Variants in DES observed in about 807,000 individuals in gnomAD.
The protein encoded by DES is desmin, also known as cardiomyopathy, dilated 1F (autosomal dominant).
In DES, 34 loss-of-function variants were observed where a neutral mutation model predicts 55.1. The ratio of observed to expected loss-of-function variants is 0.62; its 90% confidence interval spans 0.47 to 0.82. The LOEUF is 0.82. Ranked by LOEUF, DES falls within the 40% of genes least tolerant of loss-of-function variation. The pLI is 0.00. For missense variants in DES, 596 were observed against 645.9 expected, an observed-to-expected ratio of 0.92 and a Z score of 0.84; for synonymous variants, 259 against 270.8, an observed-to-expected ratio of 0.96 and a Z score of 0.43.
rs1954376103 is a variant in DES at position 219,418,887 on chromosome 2, G to A, written c.425G>A (p.Arg142Gln). ...QNAALAAEVN[R>Q]LKGREPTRVA... The stretch of plus-strand genomic sequence containing the variant: ...GCGGCGCTCGCCGCCGAAGTGAACC[G>A]GCTCAAGGGCCGCGAGCCGACGCGA... Residue 142 changes from arginine to glutamine, a missense_variant, in exon 1 of 9, where the codon CGG becomes CAG. Arg to Gln is a conservative substitution (Grantham distance 43). Coordinates refer to ENST00000373960, the MANE Select transcript of DES (RefSeq NM_001927.4). 2 of 1,568,254 alleles carry A rather than the reference G, an allele frequency of 1.3e-6. No homozygotes were observed. The highest frequency in any genetic ancestry group is 1.7e-6 in the Non-Finnish European group (2 of 1,157,292).
rs1243835334 is a variant in DES at position 219,426,276 on chromosome 2, G to A, written c.*286G>A. The A allele has an allele frequency of 1.9e-5, 11 of 578,536 alleles. No homozygotes were observed. The highest frequency in any genetic ancestry group is 9.0e-5 in the East Asian group (3 of 33,322). The allele number at this position is 578,536 out of a possible 1,614,324, so 35.8% of individuals were successfully genotyped here. A position where few individuals can be genotyped will look rare whatever the true frequency, so the allele number is the denominator to read the frequency against. ...TGCTGGATGGAGCCCAGGCGGGAGC[G>A]GTGGCCCTGTCCCTCCCACCTCTGT... On this transcript the variant is annotated 3_prime_UTR_variant, in exon 9 of 9. Coordinates refer to ENST00000373960, the MANE Select transcript of DES (RefSeq NM_001927.4). This position sits in a 1 kb window ranked among gnomAD's most constrained non-coding sequence, Gnocchi z 4.5.
Position 219,420,618 on chromosome 2 carries a change from A to G in DES, c.859A>G (p.Lys287Glu). The G allele has an allele frequency of 6.2e-7, 1 of 1,614,056 alleles. No homozygotes were observed. ...IRAQYETIAA[K>E]NISEAEEWYK... ...GGCTCAGTATGAGACCATCGCGGCT[A>G]AGAACATTTCTGAAGCTGAGGAGTG... Residue 287 changes from lysine (K) to glutamate (E), a missense_variant, in exon 4 of 9, where the codon AAG becomes GAG. Transcript: ENST00000373960. The surrounding 1 kb of genome is among the most constrained non-coding windows in gnomAD (Gnocchi z 6.0).
rs794728993 is a variant in DES, at chr2:219,418,775, C to T, written c.313C>T (p.Arg105Cys). 7 of 1,563,444 alleles carry T rather than the reference C, an allele frequency of 4.5e-6. No homozygotes were observed. Among genetic ancestry groups the T allele is most frequent in the Non-Finnish European group, 6.1e-6 (7 of 1,153,298 alleles). Residue 105 changes from arginine to cysteine, a missense_variant, in exon 1 of 9, where the codon CGC (arginine) becomes TGC (cysteine). Transcript: ENST00000373960. ...GGTGAACCAGGAGTTTCTGACCACG[C>T]GCACCAACGAGAAGGTGGAGCTGCA... ...DAVNQEFLTTRTNEKVELQEL... is the reference protein window; with the variant it reads ...DAVNQEFLTTCTNEKVELQEL...
Position 219,419,015 on chromosome 2 carries a change from G to C in DES, c.553G>C (p.Asp185His). 1 of 1,545,396 alleles carries C rather than the reference G, an allele frequency of 6.5e-7. No homozygotes were observed. The highest frequency in any genetic ancestry group is 8.7e-7 in the Non-Finnish European group (1 of 1,147,398). ...RVDVERDNLL[D>H]DLQRLKAKLQ... ...CGACGTCGAGCGCGACAACCTGCTCGACGACCTGCAGCGGCTCAAGGCCAA... is the reference window on the plus strand; with the variant it reads ...CGACGTCGAGCGCGACAACCTGCTCCACGACCTGCAGCGGCTCAAGGCCAA... The change falls in exon 1 of 9, where the codon GAC becomes CAC. Residue 185 changes from aspartate to histidine, a missense_variant. By Grantham distance (81) the Asp-to-His change is moderately conservative. Transcript: ENST00000373960. This position sits in a 1 kb window ranked among gnomAD's most constrained non-coding sequence, Gnocchi z 4.3.
rs566280820 is a variant in DES, at chr2:219,421,329, C to A, written c.1024-11C>A. 61 of 1,613,944 alleles carry A rather than the reference C, an allele frequency of 3.8e-5. No homozygotes were observed. In the South Asian group the frequency reaches 5.4e-4, roughly 14 times the overall value. On this transcript the variant is annotated splice_polypyrimidine_tract_variant and intron_variant, in intron 5 of 8. Transcript: ENST00000373960. The stretch of plus-strand genomic sequence containing the variant: ...TTCCCTTCCTTGACCTGGGTTCCCC[C>A]TCTCCTGCAGAACGATTCCCTGATG...
At chr2:219,421,670 T>C in intron 6 of DES, 110 bp downstream of exon 6, 2 of 286,706 alleles carry the variant, frequency 7.0e-6, no homozygotes, top group Non-Finnish European at 1.1e-5. Flanking sequence ...CTGGAAACAA[T>C]TTTTTTTTTT....
In DES at chr2:219,420,786, C is replaced by T. The variant is rs945046007; in HGVS notation, c.898-42C>T. ...CTCCCTTGCTCATCCCTACCCGTGC[C>T]CTGCATCCTTCTCATTTTTGGGCCC... On this transcript the variant is annotated intron_variant, in intron 4 of 8. Transcript: ENST00000373960. This position sits in a 1 kb window ranked among gnomAD's most constrained non-coding sequence, Gnocchi z 6.0. 2.5e-6 allele frequency: 4 copies of T among 1,613,304 alleles called. No individual in the cohort carries two copies. Among genetic ancestry groups the T allele is most frequent in the Non-Finnish European group, 3.4e-6 (4 of 1,179,972 alleles).
At chr2:219,425,820 C>G in intron 8 of DES, 75 bp downstream of exon 8, 2 of 1,598,326 alleles carry the variant, frequency 1.3e-6, no homozygotes, top group Admixed American at 3.3e-5. Flanking sequence ...TTCCACCCAG[C>G]TGTGCTGGTC....
Position 219,423,813 on chromosome 2 carries a change from C to T in DES, c.1281C>T (p.Asn427=), listed in dbSNP as rs17853018. Residue 427 remains asparagine (N), a synonymous_variant, in exon 7 of 9, where the codon AAC becomes AAT. Coordinates refer to ENST00000373960, the MANE Select transcript of DES (RefSeq NM_001927.4). ...CCATCCAGACCTACTCTGCCCTCAA[C>T]TTCCGAGGTGAGTGTCTGCTGGCAG... ...NLPIQTYSAL[N]FRETSPEQRG... 3 of 1,613,986 alleles carry T rather than the reference C, an allele frequency of 1.9e-6. No homozygotes were observed. Among genetic ancestry groups the T allele is most frequent in the Non-Finnish European group, 2.5e-6 (3 of 1,179,884 alleles).
rs1292042317 is a variant in DES at position 219,421,464 on chromosome 2, G to C, written c.1148G>C (p.Arg383Pro). 1 of 1,614,166 alleles carries C rather than the reference G, an allele frequency of 6.2e-7. No homozygotes were observed. Among genetic ancestry groups the C allele is most frequent in the South Asian group, 1.1e-5 (1 of 91,086 alleles). Residue 383 changes from arginine to proline, a missense_variant, in exon 6 of 9, where the codon CGC becomes CCC. By Grantham distance (103) the Arg-to-Pro change is moderately radical (BLOSUM62 -2). Transcript: ENST00000373960. ...EIRHLKDEMA[R>P]HLREYQDLLN... ...CGGCACCTCAAGGATGAGATGGCCCGCCATCTGCGCGAGTACCAGGACCTG... is the reference window on the plus strand; with the variant it reads ...CGGCACCTCAAGGATGAGATGGCCCCCCATCTGCGCGAGTACCAGGACCTG...
chr2:219,420,041 C>G lies in DES; in HGVS notation c.579-54C>G. 1 of 1,604,410 alleles carries G rather than the reference C, an allele frequency of 6.2e-7. No individual in the cohort carries two copies. The highest frequency in any genetic ancestry group is 8.5e-7 in the Non-Finnish European group (1 of 1,171,378). On this transcript the variant is annotated intron_variant, in intron 1 of 8. Transcript: ENST00000373960. The surrounding 1 kb of genome is among the most constrained non-coding windows in gnomAD (Gnocchi z 6.0). ...CTGGTCAGCCCCCGGCCAGTCGTTTCCACTGCCAGCTTTATCACCCGCAAC... is the reference window on the plus strand; with the variant it reads ...CTGGTCAGCCCCCGGCCAGTCGTTTGCACTGCCAGCTTTATCACCCGCAAC...
At chr2:219,421,257 G>A in intron 5 of DES, 83 bp from the exon 6 acceptor site, 1 of 1,459,878 alleles carries the variant, frequency 6.8e-7, no homozygotes, top group Non-Finnish European at 9.6e-7. Flanking sequence ...TGACCATCTG[G>A]AGTTGCCTGC....
rs1318299 is a variant in DES at position 219,418,537 on chromosome 2, A to G, written c.75A>G (p.Pro25=). The G allele has an allele frequency of 0.97, 1,557,738 of 1,602,894 alleles. 760,892 individuals carry two copies. Among genetic ancestry groups the G allele is most frequent in the East Asian group, 1 (43,902 of 43,908 alleles). The stretch of plus-strand genomic sequence containing the variant: ...CCTTCGGCGGGGCCCCGGGCTTCCC[A>G]CTCGGCTCCCCGCTGAGTTCGCCCG... ...RRTFGGAPGF[P]LGSPLSSPVF... The change falls in exon 1 of 9, where the codon CCA becomes CCG. Residue 25 remains proline, a synonymous_variant. Transcript: ENST00000373960.
intron 7 of DES, among the ~76,000 whole-genome samples, chr2:219,424,428 G>A (rs991854475): frequency 6.6e-6 from 1 of 152,210 alleles, no homozygotes; most frequent in Non-Finnish European, 1.5e-5. Context: ...TGATGCATTA[G>A]GAAAGCAAGT....
chr2:219,426,269 C>CTCCA lies in DES; in HGVS notation c.*279_*280insTCCA. On this transcript the variant is annotated 3_prime_UTR_variant, in exon 9 of 9. Transcript: ENST00000373960. This position sits in a 1 kb window ranked among gnomAD's most constrained non-coding sequence, Gnocchi z 4.5. The stretch of plus-strand genomic sequence containing the variant: ...GCTCTTGTGCTGGATGGAGCCCAGG[C>CTCCA]GGGAGCGGTGGCCCTGTCCCTCCCA... 1 of 588,358 alleles carries CTCCA rather than the reference C, an allele frequency of 1.7e-6. No individual in the cohort carries two copies. The highest frequency in any genetic ancestry group is 1.9e-5 in the South Asian group (1 of 52,522). The allele number at this position is 588,358 out of a possible 1,614,324, so 36.4% of individuals were successfully genotyped here.
In DES at chr2:219,426,221, G is replaced by T. The variant is rs1435600349; in HGVS notation, c.*231G>T. ...CTGCGGACCCCAGCTGTGAGCCTTGGCTGTTGGCAGTGAGTGAGCCTGGCT... is the reference window on the plus strand; with the variant it reads ...CTGCGGACCCCAGCTGTGAGCCTTGTCTGTTGGCAGTGAGTGAGCCTGGCT... On this transcript the variant is annotated 3_prime_UTR_variant, in exon 9 of 9. Transcript: ENST00000373960. This position sits in a 1 kb window ranked among gnomAD's most constrained non-coding sequence, Gnocchi z 4.5. 3 of 642,074 alleles carry T rather than the reference G, an allele frequency of 4.7e-6. No individual in the cohort carries two copies. The African/African-American group carries it at 5.3e-5, about 11-fold the overall frequency. The allele number at this position is 642,074 out of a possible 1,614,324, so 39.8% of individuals were successfully genotyped here.
rs1168604493 is a variant in DES at position 219,421,422 on chromosome 2, G to A, written c.1106G>A (p.Arg369His). 5.6e-6 allele frequency: 9 copies of A among 1,614,076 alleles called. No individual in the cohort carries two copies. The highest frequency in any genetic ancestry group is 4.5e-5 in the East Asian group (2 of 44,864). ...EASGYQDNIA[R>H]LEEEIRHLKD... ...AGTGGCTACCAGGACAACATTGCGC[G>A]CCTGGAGGAGGAAATCCGGCACCTC... The change falls in exon 6 of 9, where the codon CGC becomes CAC. Residue 369 changes from arginine (R) to histidine (H), a missense_variant. By Grantham distance (29) the Arg-to-His change is conservative. Coordinates refer to ENST00000373960, the MANE Select transcript of DES (RefSeq NM_001927.4).
Position 219,420,547 on chromosome 2 carries a change from T to C in DES, c.788T>C (p.Met263Thr). 1 of 1,613,902 alleles carries C rather than the reference T, an allele frequency of 6.2e-7. No individual in the cohort carries two copies. The highest frequency in any genetic ancestry group is 8.5e-7 in the Non-Finnish European group (1 of 1,180,008). The change falls in exon 4 of 9, where the codon ATG (methionine) becomes ACG (threonine). Residue 263 changes from methionine to threonine, a missense_variant. Met to Thr is a moderately conservative substitution (Grantham distance 81). Transcript: ENST00000373960. The surrounding 1 kb of genome is among the most constrained non-coding windows in gnomAD (Gnocchi z 6.0). ...QLQEQQVQVEMDMSKPDLTAA... is the reference protein window; with the variant it reads ...QLQEQQVQVETDMSKPDLTAA... Reference sequence around the variant, plus strand: ...CAGGAACAGCAGGTCCAGGTGGAGATGGACATGTCTAAGCCAGACCTCACT... The same window carrying C: ...CAGGAACAGCAGGTCCAGGTGGAGACGGACATGTCTAAGCCAGACCTCACT...
rs1954423838 is a variant in DES, at chr2:219,420,717, T to C, written c.897+61T>C. On this transcript the variant is annotated intron_variant, in intron 4 of 8. Transcript: ENST00000373960. This position sits in a 1 kb window ranked among gnomAD's most constrained non-coding sequence, Gnocchi z 6.0. Reference sequence around the variant, plus strand: ...CCCCTGAATCCCAGCTTGGATGTGCTGCCTGTGGTACCATCCATGGGAGGA... The same window carrying C: ...CCCCTGAATCCCAGCTTGGATGTGCCGCCTGTGGTACCATCCATGGGAGGA... 3 of 1,613,520 alleles carry C rather than the reference T, an allele frequency of 1.9e-6. No individual in the cohort carries two copies. In the South Asian group the frequency reaches 3.3e-5, roughly 18 times the overall value.
Sources: gnomAD v4.1 joint callset for allele counts (sites outside exome capture counted in the v4.1 genomes callset) on GRCh38, gnomAD v4.1.1 for gene constraint, Gnocchi (gnomAD v3.1) non-coding constraint, MANE v1.5 for transcripts, NCBI Gene and HGNC (gene_info 2026-07-23, HGNC 2026-07-21) for gene names.